The following TLE4 variants were observed in gnomAD, a reference collection of about 807,000 sequenced individuals.
TLE4 encodes TLE family member 4, transcriptional corepressor.
Under a neutral mutation model 92.8 loss-of-function variants are expected in TLE4, and 8 were observed. The observed-to-expected ratio is 0.09, with a 90% confidence interval of 0.05 to 0.16. The LOEUF (loss-of-function observed/expected upper bound fraction) is 0.16. TLE4 is among the 10% of genes least tolerant of loss of function. The pLI, the probability that TLE4 is intolerant of heterozygous loss-of-function variation, is 1.00. For synonymous variants in TLE4, 371 were observed against 374.1 expected (o/e 0.99, Z 0.10); for missense variants, 675 against 997.6 (o/e 0.68, Z 4.36).
rs370173385 is a variant in TLE4, at chr9:79,615,531, G to A, written c.315+2813G>A. 1.2e-4 allele frequency among the ~76,000 whole-genome samples: 19 copies of A among 152,020 alleles called. No homozygotes were observed. In the Middle Eastern group the frequency reaches 0.01, roughly 82 times the overall value. On this transcript the variant is annotated intron_variant, in intron 5 of 19. Transcript: ENST00000376552. ...TTTTTGGAGTTTGACAGGAACAAGGGGTATATTTACATACTGTTAGATGAA... is the reference window on the plus strand; with the variant it reads ...TTTTTGGAGTTTGACAGGAACAAGGAGTATATTTACATACTGTTAGATGAA...
At chr9:79,584,145 C>T (rs917837123) in intron 4 of TLE4, among the ~76,000 whole-genome samples, 7 of 152,186 alleles carry the variant, frequency 4.6e-5, no homozygotes, top group Non-Finnish European at 1.0e-4. Flanking sequence ...TCCAGGGCTC[C>T]CTTCGCTGAC....
intron 6 of TLE4, chr9:79,649,481 A>G (rs1346621148): frequency 5.8e-6 from 1 of 173,326 alleles, no homozygotes; most frequent in Non-Finnish European, 1.2e-5. Context: ...TTGACTTTAG[A>G]TGGGCAGTTC....
At chr9:79,687,833 A>G (rs1444274995) in intron 8 of TLE4, among the ~76,000 whole-genome samples, 2 of 152,200 alleles carry the variant, frequency 1.3e-5, no homozygotes, top group African/African-American at 4.8e-5. Context: ...CTAGGATTCA[A>G]GTTTCCTCCT....
intron 4 of TLE4, among the ~76,000 whole-genome samples, chr9:79,587,438 A>G (rs1248540937): frequency 6.6e-6 from 1 of 152,216 alleles, no homozygotes; most frequent in African/African-American, 2.4e-5. Context: ...TATTTCTAAG[A>G]TATCTTTCAA....
intron 5 of TLE4, 121 bp from the exon 6 acceptor site, chr9:79,627,253 C>T: frequency 4.1e-6 from 4 of 974,002 alleles, no homozygotes; most frequent in South Asian, 4.1e-5. Context: ...GTATTGGAAA[C>T]CTGGAGATCC....
intron 4 of TLE4, among the ~76,000 whole-genome samples, chr9:79,606,825 T>A (rs895833106): frequency 1.3e-5 from 2 of 152,160 alleles, no homozygotes; most frequent in Non-Finnish European, 2.9e-5. Context: ...TGAATAGTGC[T>A]GCAGTAAACA....
chr9:79,627,331 A>C, intron 5 of TLE4, 43 bp from the exon 6 acceptor site: 1 of 1,602,166 alleles, frequency 6.2e-7, no homozygotes, highest in African/African-American at 1.3e-5. Flanking sequence ...TTGACTGAGT[A>C]GAAAACAAAT....
At chr9:79,672,322 C>T (rs1459872135) in intron 8 of TLE4, among the ~76,000 whole-genome samples, 1 of 152,134 alleles carries the variant, frequency 6.6e-6, no homozygotes, top group Non-Finnish European at 1.5e-5. Context: ...TCCAGAATAA[C>T]CAACCAACAT....
chr9:79,634,674 G>A lies in TLE4; in HGVS notation c.390+7226G>A, dbSNP rs561007144. On this transcript the variant is annotated intron_variant, in intron 6 of 19. Coordinates refer to ENST00000376552, the MANE Select transcript of TLE4 (RefSeq NM_007005.6). ...GTCATTTTTTTCTATCCCAGCCCCC[G>A]CCAACCATTGAAAATGTGTCTTCTT... Among the ~76,000 whole-genome samples the A allele has an allele frequency of 1.5e-3, 231 of 152,074 alleles. 1 individual carries two copies. Among genetic ancestry groups the A allele is most frequent in the African/African-American group, 5.4e-3 (222 of 41,486 alleles).
At chr9:79,724,423 G>C (rs957626745) in intron 19 of TLE4, among the ~76,000 whole-genome samples, 1 of 152,010 alleles carries the variant, frequency 6.6e-6, no homozygotes, top group Admixed American at 6.6e-5. Flanking sequence ...TTTGAAATAA[G>C]GTCTTGCTTT....
intron 14 of TLE4, among the ~76,000 whole-genome samples, chr9:79,710,656 C>T (rs1044993274): frequency 2.0e-5 from 3 of 152,318 alleles, no homozygotes; most frequent in Non-Finnish European, 4.4e-5. Flanking sequence ...GCAAAACTTT[C>T]TGTGGCTTAG....
chr9:79,605,796 A>G (rs545358184), intron 4 of TLE4, among the ~76,000 whole-genome samples: 124 of 152,278 alleles, frequency 8.1e-4, no homozygotes, highest in African/African-American at 2.6e-3. Context: ...ACTGAGCCGC[A>G]CATTGGGTAC....
chr9:79,666,726 T>A (rs1198011519), intron 8 of TLE4, among the ~76,000 whole-genome samples: 1 of 152,190 alleles, frequency 6.6e-6, no homozygotes, highest in East Asian at 1.9e-4. Context: ...AAAGTGAAAA[T>A]GTTTAGGGGA....
chr9:79,704,301 G>A (rs913687937), intron 8 of TLE4, among the ~76,000 whole-genome samples: 3 of 152,066 alleles, frequency 2.0e-5, no homozygotes, highest in African/African-American at 7.2e-5. Context: ...TTTTAGTGGA[G>A]ATGGGGTTTC....
chr9:79,682,420 T>G (rs1302266275), intron 8 of TLE4, among the ~76,000 whole-genome samples: 2 of 152,198 alleles, frequency 1.3e-5, no homozygotes, highest in African/African-American at 4.8e-5. Flanking sequence ...GACATGCCTT[T>G]TCCAAGTCCA....
intron 19 of TLE4, 146 bp from the exon 20 acceptor site, chr9:79,724,891 C>T (rs2076233700): frequency 4.0e-6 from 1 of 248,434 alleles, no homozygotes; most frequent in Non-Finnish European, 7.8e-6. Flanking sequence ...AGCAGCAGTA[C>T]TGTCCATGAC....
chr9:79,576,678 C>T (rs2037884639), intron 4 of TLE4: 1 of 152,012 alleles, frequency 6.6e-6, no homozygotes, highest in Non-Finnish European at 1.5e-5. Context: ...TCCCCTGAGG[C>T]TACTTAGTTG....
Position 79,573,678 on chromosome 9 carries a change from T to C in TLE4, c.46-11T>C. The C allele has an allele frequency of 6.3e-7, 1 of 1,585,102 alleles. No homozygotes were observed. The highest frequency in any genetic ancestry group is 8.6e-7 in the Non-Finnish European group (1 of 1,158,948). On this transcript the variant is annotated splice_polypyrimidine_tract_variant and intron_variant, in intron 1 of 19. Transcript: ENST00000376552. ...TGTGGGCTAATTAAATATTTTATTG[T>C]TGTTCTTCAGGCACCGCATCAGCCT...
At position 79,722,978 on chromosome 9, in the gene TLE4, T is replaced by C; in HGVS notation, c.2157T>C (p.Thr719=). 1 of 1,614,242 alleles carries C rather than the reference T, an allele frequency of 6.2e-7. No homozygotes were observed. Among genetic ancestry groups the C allele is most frequent in the Non-Finnish European group, 8.5e-7 (1 of 1,180,032 alleles). ...FAHCGKWFVS[T]GKDNLLNAWR... is the part of the protein sequence containing the mutation. ...CTATAGGCAAATGGTTTGTAAGCAC[T>C]GGAAAGGACAACCTTCTGAATGCCT... Residue 719 remains threonine, a synonymous_variant, in exon 19 of 20, where the codon ACT becomes ACC. Coordinates refer to ENST00000376552, the MANE Select transcript of TLE4 (RefSeq NM_007005.6).
Sources: gnomAD v4.1 joint callset for allele counts (sites outside exome capture counted in the v4.1 genomes callset) on GRCh38, gnomAD v4.1.1 for gene constraint, MANE v1.5 for transcripts, NCBI Gene and HGNC (gene_info 2026-07-23, HGNC 2026-07-21) for gene names.